Variants in NETO1 observed in about 807,000 individuals in gnomAD.
NETO1 encodes the protein neuropilin and tolloid-like protein 1.
Under a neutral mutation model 61.3 loss-of-function variants are expected in NETO1, and 26 were observed. That is an observed-to-expected ratio of 0.42 (90% CI 0.31 to 0.59). NETO1 has a LOEUF of 0.59. Ranked by LOEUF, NETO1 falls within the 20% of genes least tolerant of loss-of-function variation. The pLI is 0.12. For synonymous variants in NETO1, 225 were observed against 225.8 expected (o/e 1.00, Z 0.03); for missense variants, 531 against 662.8 (o/e 0.80, Z 2.18).
chr18:72,744,138 G>A lies in NETO1; in HGVS notation c.*4041C>T, dbSNP rs2070382708. 2 of 152,132 alleles carry A rather than the reference G, an allele frequency of 1.3e-5. No individual in the cohort carries two copies. The highest frequency in any genetic ancestry group is 4.8e-5 in the African/African-American group (2 of 41,428). 9.4% of individuals were successfully genotyped at this position (152,132 alleles called of 1,614,324 possible). A position where few individuals can be genotyped will look rare whatever the true frequency, so the allele number is the denominator to read the frequency against. On this transcript the variant is annotated 3_prime_UTR_variant, in exon 11 of 11. Transcript: ENST00000327305. The stretch of plus-strand genomic sequence containing the variant: ...CATTTACCTCTTTAATAATACACAA[G>A]AAAGTACAGAATCAGAGGCTACAAG...
At chr18:72,772,152 C>T (rs181074874) in intron 7 of NETO1, among the ~76,000 whole-genome samples, 32 of 150,304 alleles carry the variant, frequency 2.1e-4, no homozygotes, top group Non-Finnish European at 3.1e-4. Flanking sequence ...TTCCCCACCA[C>T]GTAGTTCTCT....
At chr18:72,773,085 T>C (rs893078772) in intron 7 of NETO1, among the ~76,000 whole-genome samples, 7 of 151,806 alleles carry the variant, frequency 4.6e-5, no homozygotes, top group African/African-American at 1.7e-4. Context: ...CAGAACACAA[T>C]TGTGCTAGGC....
intron 4 of NETO1, among the ~76,000 whole-genome samples, chr18:72,826,928 G>A (rs914843159): frequency 6.6e-6 from 1 of 152,078 alleles, no homozygotes; most frequent in Non-Finnish European, 1.5e-5. Flanking sequence ...TTCTAGGGGG[G>A]CTGGAACAGT....
chr18:72,819,781 C>T (rs1755564605), intron 4 of NETO1, among the ~76,000 whole-genome samples: 1 of 151,932 alleles, frequency 6.6e-6, no homozygotes, highest in Admixed American at 6.6e-5. Context: ...AGAGAAAGTT[C>T]TAAGTAAAAC....
chr18:72,757,175 C>T (rs1309665897), intron 7 of NETO1, among the ~76,000 whole-genome samples: 1 of 151,972 alleles, frequency 6.6e-6, no homozygotes, highest in Non-Finnish European at 1.5e-5. Context: ...ATATGAATTT[C>T]CAATGATTGA....
intron 4 of NETO1, among the ~76,000 whole-genome samples, chr18:72,810,904 TG>T (rs1375576558): frequency 1.3e-5 from 2 of 152,200 alleles, no homozygotes; most frequent in African/African-American, 4.8e-5. Context: ...GGAAGATTTA[TG>T]GGATGCCTTC....
Position 72,850,509 on chromosome 18 carries a change from T to A in NETO1, c.469+8317A>T, listed in dbSNP as rs2074216775. On this transcript the variant is annotated intron_variant, in intron 4 of 10. Coordinates refer to ENST00000327305, the MANE Select transcript of NETO1 (RefSeq NM_138966.5). ...AAGCCTCAAATTGTCTGCAAATTGT[T>A]ATGAAAGGAAATGTTTAGGAGAATA... 1.3e-5 allele frequency among the ~76,000 whole-genome samples: 2 copies of A among 152,214 alleles called. 1 individual carries two copies. Among genetic ancestry groups the A allele is most frequent in the South Asian group, 4.1e-4 (2 of 4,838 alleles).
intron 4 of NETO1, among the ~76,000 whole-genome samples, chr18:72,847,052 G>A (rs566320272): frequency 3.9e-5 from 6 of 152,222 alleles, no homozygotes; most frequent in Non-Finnish European, 8.8e-5. Context: ...ATTTCTCTCT[G>A]AATTACTTAC....
chr18:72,859,781 T>C (rs55940003), intron 3 of NETO1, among the ~76,000 whole-genome samples: 3,757 of 152,240 alleles, frequency 0.025, 126 homozygotes, highest in African/African-American at 0.086. Context: ...TTTTTGAATA[T>C]CTACATACCC....
At chr18:72,801,673 G>C (rs138167477) in intron 4 of NETO1, among the ~76,000 whole-genome samples, 1 of 152,082 alleles carries the variant, frequency 6.6e-6, no homozygotes, top group African/African-American at 2.4e-5. Context: ...GTTTACTGAG[G>C]TTACACAGAA....
intron 4 of NETO1, among the ~76,000 whole-genome samples, chr18:72,852,827 C>T (rs988069650): frequency 1.4e-4 from 16 of 115,910 alleles, no homozygotes; most frequent in Middle Eastern, 4.7e-3. Context: ...TGATAATTTT[C>T]TTTTTCTTTT....
intron 4 of NETO1, among the ~76,000 whole-genome samples, chr18:72,820,054 T>C (rs557006898): frequency 3.9e-5 from 6 of 152,182 alleles, no homozygotes; most frequent in Non-Finnish European, 8.8e-5. Context: ...TATTTTGCTT[T>C]TGTACCTAAA....
At chr18:72,865,654 TG>T in intron 1 of NETO1, 3 of 1,576,976 alleles carry the variant, frequency 1.9e-6, no homozygotes, top group Non-Finnish European at 2.6e-6. Context: ...AGGCAAACAA[TG>T]AGAACAGCTC....
chr18:72,788,717 A>C (rs1039996001), intron 6 of NETO1, among the ~76,000 whole-genome samples: 13 of 152,168 alleles, frequency 8.5e-5, no homozygotes, highest in African/African-American at 2.9e-4. Context: ...GAAAACTTCA[A>C]AACATATAAA....
At position 72,865,191 on chromosome 18, in the gene NETO1, T is replaced by C; in HGVS notation, c.79A>G (p.Thr27Ala). ...GCATTTTTCTAAGTAAACACACCTG[T>C]TCCTTTCTTGGTTGCCCCAGACAAA... ...LHLSGATKKG[T>A]EKQTTSETQK... is the part of the protein sequence containing the mutation. Residue 27 changes from threonine to alanine, a missense_variant, in exon 2 of 11, where the codon ACA becomes GCA. Thr to Ala is a moderately conservative substitution (Grantham distance 58). Transcript: ENST00000327305. 1.9e-6 allele frequency: 3 copies of C among 1,612,974 alleles called. No homozygotes were observed. The highest frequency in any genetic ancestry group is 2.5e-6 in the Non-Finnish European group (3 of 1,179,502).
intron 4 of NETO1, among the ~76,000 whole-genome samples, chr18:72,840,295 A>G (rs759831960): frequency 6.6e-6 from 1 of 152,234 alleles, no homozygotes; most frequent in Non-Finnish European, 1.5e-5. Context: ...CAGACAAGTG[A>G]GGAAGTGCAG....
chr18:72,742,990 A>G (rs2070365881), downstream of NETO1, among the ~76,000 whole-genome samples: 1 of 152,094 alleles, frequency 6.6e-6, no homozygotes, highest in Non-Finnish European at 1.5e-5. Flanking sequence ...ACTCTTTCTC[A>G]TGTCTTGTTT....
chr18:72,750,414 T>A lies in NETO1; in HGVS notation c.1189A>T (p.Thr397Ser), dbSNP rs199558464. 8 of 1,614,046 alleles carry A rather than the reference T, an allele frequency of 5.0e-6. No homozygotes were observed. In the South Asian group the frequency reaches 8.8e-5, roughly 18 times the overall value. ...GCTGTAGCTCCTGTCCCTCTGAGAG[T>A]GCATAACTCATAATGAGGAGGTTCA... Reference protein sequence around the residue: ...VFEPPHYELCTLRGTGATADF... With the variant: ...VFEPPHYELCSLRGTGATADF... Residue 397 changes from threonine to serine, a missense_variant, in exon 9 of 11, where the codon ACT (threonine) becomes TCT (serine). Thr to Ser is a moderately conservative substitution (Grantham distance 58, BLOSUM62 1). Coordinates refer to ENST00000327305, the MANE Select transcript of NETO1 (RefSeq NM_138966.5).
chr18:72,828,087 C>T (rs1432755423), intron 4 of NETO1, among the ~76,000 whole-genome samples: 1 of 152,166 alleles, frequency 6.6e-6, no homozygotes, highest in Non-Finnish European at 1.5e-5. Flanking sequence ...CCAAGGCCAG[C>T]GGATCACCTG....
Sources: gnomAD v4.1 joint callset for allele counts (sites outside exome capture counted in the v4.1 genomes callset) on GRCh38, gnomAD v4.1.1 for gene constraint, MANE v1.5 for transcripts, NCBI Gene and HGNC (gene_info 2026-07-23, HGNC 2026-07-21) for gene names.